The following RCN3 variants were observed in gnomAD, a reference collection of about 807,000 sequenced individuals.
The protein encoded by RCN3 is reticulocalbin-3.
RCN3 carries 41 observed loss-of-function variants against 35.9 expected under a neutral mutation model. That is an observed-to-expected ratio of 1.14 (90% CI 0.89 to 1.48). The LOEUF is 1.48. RCN3 is among the 40% of genes most tolerant of loss of function. The pLI, the probability that RCN3 is intolerant of heterozygous loss-of-function variation, is 0.00. For missense variants in RCN3, 451 were observed against 471.3 expected (o/e 0.96, Z 0.40); for synonymous variants, 187 against 193.4 (o/e 0.97, Z 0.27).
intron 2 of RCN3, among the ~76,000 whole-genome samples, chr19:49,532,348 G>A (rs1442532411): frequency 6.6e-6 from 1 of 151,352 alleles, no homozygotes; most frequent in African/African-American, 2.4e-5. Context: ...CTTGTGATCC[G>A]CCCTCCTCGG....
chr19:49,534,538 G>C, intron 3 of RCN3, 143 bp downstream of exon 3: 1 of 743,040 alleles, frequency 1.3e-6, no homozygotes, highest in Non-Finnish European at 2.0e-6. Context: ...GCCCATAACT[G>C]TGAGATCTTC....
At chr19:49,537,261 CGGTTCAG>C in intron 4 of RCN3, 56 bp downstream of exon 4, 1 of 1,413,990 alleles carries the variant, frequency 7.1e-7, no homozygotes, top group Non-Finnish European at 9.3e-7. Flanking sequence ...CCCAGGCTTC[CGGTTCAG>C]GTCCTGCTTC....
At position 49,534,323 on chromosome 19, in the gene RCN3, T is replaced by TA. The variant is rs1366965262; in HGVS notation, c.374dup (p.Tyr125Ter). The change falls in exon 3 of 7, where the codon TAC (tyrosine) becomes TAAC (stop). Residue 125 changes from tyrosine to a stop codon, truncating the protein, a stop_gained and frameshift_variant. Transcript: ENST00000270645. LOFTEE classifies it high-confidence loss of function. ...CTCGGTGAGCGCGGCCTGGGACACG[T>TA]ACGACACGGACCGCGACGGGCGTGT... ...RDSVSAAWDT[Y>*]DTDRDGRVGW... 1.3e-6 allele frequency: 2 copies of TA among 1,514,966 alleles called. No homozygotes were observed. Among genetic ancestry groups the TA allele is most frequent in the African/African-American group, 2.8e-5 (2 of 70,190 alleles). 93.8% of individuals were successfully genotyped at this position (1,514,966 alleles called of 1,614,324 possible). A position where few individuals can be genotyped will look rare whatever the true frequency, so the allele number is the denominator to read the frequency against.
chr19:49,534,287 C>G lies in RCN3; in HGVS notation c.337C>G (p.His113Asp), dbSNP rs1380660655. Residue 113 changes from histidine (H) to aspartate (D), a missense_variant, in exon 3 of 7, where the codon CAC becomes GAC. His to Asp is a moderately conservative substitution (Grantham distance 81). Coordinates refer to ENST00000270645, the MANE Select transcript of RCN3 (RefSeq NM_020650.3). ...GTGGATCGCGCACACGCAGCAGCGG[C>G]ACATACGGGACTCGGTGAGCGCGGC... ...RAWIAHTQQRHIRDSVSAAWD... is the reference protein window; with the variant it reads ...RAWIAHTQQRDIRDSVSAAWD... 1 of 1,479,802 alleles carries G rather than the reference C, an allele frequency of 6.8e-7. No homozygotes were observed. The highest frequency in any genetic ancestry group is 8.9e-7 in the Non-Finnish European group (1 of 1,117,810). The allele number at this position is 1,479,802 out of a possible 1,614,324, so 91.7% of individuals were successfully genotyped here. A position where few individuals can be genotyped will look rare whatever the true frequency, so the allele number is the denominator to read the frequency against.
At chr19:49,531,534 G>A (rs2080108065) in intron 2 of RCN3, among the ~76,000 whole-genome samples, 1 of 152,204 alleles carries the variant, frequency 6.6e-6, no homozygotes, top group African/African-American at 2.4e-5. Flanking sequence ...CCTGCTGGCT[G>A]CGAGGTGGGG....
At chr19:49,537,011 A>C in intron 3 of RCN3, 22 bp from the exon 4 acceptor site, 1 of 1,497,598 alleles carries the variant, frequency 6.7e-7, no homozygotes, top group Non-Finnish European at 8.9e-7. Flanking sequence ...AGCTCATCTC[A>C]CTGAGACCTG....
In RCN3 at chr19:49,539,190, C is replaced by T. The variant is rs759348127; in HGVS notation, c.679+11C>T. 1 of 1,606,362 alleles carries T rather than the reference C, an allele frequency of 6.2e-7. No individual in the cohort carries two copies. The highest frequency in any genetic ancestry group is 8.5e-7 in the Non-Finnish European group (1 of 1,176,698). On this transcript the variant is annotated intron_variant, in intron 5 of 6. Transcript: ENST00000270645. Reference sequence around the variant, plus strand: ...TGGAGGAGTACATCGGTGAGTGGGCCCCAATTTCTTCTTGGGATGCCTGTC... The same window carrying T: ...TGGAGGAGTACATCGGTGAGTGGGCTCCAATTTCTTCTTGGGATGCCTGTC...
intron 2 of RCN3, among the ~76,000 whole-genome samples, chr19:49,529,183 A>AAACAACAAC: frequency 6.6e-6 from 1 of 152,008 alleles, no homozygotes; most frequent in African/African-American, 2.4e-5. Flanking sequence ...TCCGTCTAAA[A>AAACAACAAC]AACAACAACA....
At chr19:49,530,390 C>T (rs902252362) in intron 2 of RCN3, among the ~76,000 whole-genome samples, 1 of 149,670 alleles carries the variant, frequency 6.7e-6, no homozygotes, top group Non-Finnish European at 1.5e-5. Context: ...AGGCTGGTCT[C>T]GAGCTCCTGA....
In RCN3 at chr19:49,543,144, G is replaced by T. The variant is rs758910640; in HGVS notation, c.918G>T (p.Trp306Cys). 6.2e-7 allele frequency: 1 copy of T among 1,614,104 alleles called. No homozygotes were observed. Among genetic ancestry groups the T allele is most frequent in the Admixed American group, 1.7e-5 (1 of 59,998 alleles). The change falls in exon 7 of 7, where the codon TGG (tryptophan) becomes TGT (cysteine). Residue 306 changes from tryptophan (W) to cysteine (C), a missense_variant. Transcript: ENST00000270645. ...RLSKAEILGN[W>C]NMFVGSQATN... ...GCAAAGCGGAAATCCTGGGTAATTG[G>T]AACATGTTTGTGGGCAGTCAGGCCA... is the stretch of plus-strand genomic sequence containing the variant.
Position 49,543,349 on chromosome 19 carries a change from A to C in RCN3, c.*136A>C, listed in dbSNP as rs2080173140. 1 of 730,088 alleles carries C rather than the reference A, an allele frequency of 1.4e-6. No individual in the cohort carries two copies. The highest frequency in any genetic ancestry group is 2.4e-6 in the Non-Finnish European group (1 of 423,638). The allele number at this position is 730,088 out of a possible 1,614,324, so 45.2% of individuals were successfully genotyped here. The stretch of plus-strand genomic sequence containing the variant: ...GGCATCCTCCTGCCCCTGGGCTCTC[A>C]GGGACCCCCTGGGTCGGCTTCTGTC... On this transcript the variant is annotated 3_prime_UTR_variant, in exon 7 of 7. Coordinates refer to ENST00000270645, the MANE Select transcript of RCN3 (RefSeq NM_020650.3).
At chr19:49,532,918 C>T (rs1005938148) in intron 2 of RCN3, among the ~76,000 whole-genome samples, 2 of 148,356 alleles carry the variant, frequency 1.3e-5, no homozygotes, top group Non-Finnish European at 3.0e-5. Flanking sequence ...TCAAGTGATT[C>T]GCCTGTCTTG....
At chr19:49,534,519 CT>C in intron 3 of RCN3, 124 bp downstream of exon 3, 2 of 891,196 alleles carry the variant, frequency 2.2e-6, no homozygotes, top group Non-Finnish European at 3.3e-6. Context: ...GCTCTACCCA[CT>C]TTTAGGAGCC....
intron 2 of RCN3, among the ~76,000 whole-genome samples, chr19:49,533,922 G>A (rs1444570275): frequency 6.6e-6 from 1 of 152,110 alleles, no homozygotes; most frequent in Non-Finnish European, 1.5e-5. Context: ...GCCCTGCATC[G>A]TAGTAGGTCC....
intron 2 of RCN3, among the ~76,000 whole-genome samples, chr19:49,532,100 CTTTTTT>C (rs925920521): frequency 1.1e-5 from 1 of 93,018 alleles, no homozygotes; most frequent in Admixed American, 1.4e-4. Context: ...GGCGCCTGGC[CTTTTTT>C]TTTTTTTTTT....
At chr19:49,539,940 C>CTAGA (rs1257046457) in intron 5 of RCN3, among the ~76,000 whole-genome samples, 1 of 151,998 alleles carries the variant, frequency 6.6e-6, no homozygotes, top group Non-Finnish European at 1.5e-5. Context: ...CCAGGCTGGT[C>CTAGA]TAGAACTCCC....
At chr19:49,540,950 GAC>G (rs2080160185) in intron 5 of RCN3, among the ~76,000 whole-genome samples, 1 of 136,642 alleles carries the variant, frequency 7.3e-6, no homozygotes, top group South Asian at 2.3e-4. Context: ...TTTTTTTTGA[GAC>G]AGAGTCTCGC....
chr19:49,536,607 A>AT (rs1164558496), intron 3 of RCN3, among the ~76,000 whole-genome samples: 4,200 of 123,492 alleles, frequency 0.034, 73 homozygotes, highest in Middle Eastern at 0.046. Flanking sequence ...GGCTTCTAAA[A>AT]TTTTTTTTTT....
chr19:49,538,161 G>GTTTT (rs1205196408), intron 4 of RCN3, among the ~76,000 whole-genome samples: 1 of 120,524 alleles, frequency 8.3e-6, no homozygotes, highest in African/African-American at 3.2e-5. Flanking sequence ...TCTGGCTAAT[G>GTTTT]TTTTTTTTTT....
Sources: allele counts gnomAD v4.1 joint callset (sites outside exome capture counted in the v4.1 genomes callset), GRCh38; gene constraint gnomAD v4.1.1; transcripts MANE v1.5; gene names NCBI Gene and HGNC (gene_info 2026-07-23, HGNC 2026-07-21).